The following SORL1 variants were observed in gnomAD, a reference collection of about 807,000 sequenced individuals.
The protein encoded by SORL1 is sortilin related receptor 1, also known as sortilin-related receptor.
In SORL1, 127 loss-of-function variants were observed where a neutral mutation model predicts 273.7. That is an observed-to-expected ratio of 0.46 (90% CI 0.40 to 0.54). The LOEUF (loss-of-function observed/expected upper bound fraction) is 0.54, where lower values mean the gene tolerates loss of function less well. Ranked by LOEUF, SORL1 falls within the 20% of genes least tolerant of loss-of-function variation. The pLI is 0.00. For missense variants in SORL1, 2,494 were observed against 2,846.1 expected, an observed-to-expected ratio of 0.88 and a Z score of 2.81; for synonymous variants, 1,031 against 1,067.4, an observed-to-expected ratio of 0.97 and a Z score of 0.66.
chr11:121,587,406 T>C (rs1863131845), intron 27 of SORL1, among the ~76,000 whole-genome samples: 1 of 152,240 alleles, frequency 6.6e-6, no homozygotes, highest in African/African-American at 2.4e-5. Flanking sequence ...AAGGTCTTGC[T>C]GTGTCCTCAC....
chr11:121,619,713 A>G lies in SORL1; in HGVS notation c.5725-40A>G, dbSNP rs551397922. ...ACTTTAATAAAGATTGCATAAGGCC[A>G]TGATGTATTTTTTTTCCTACGTGTG... On this transcript the variant is annotated intron_variant, in intron 42 of 47. Coordinates refer to ENST00000260197, the MANE Select transcript of SORL1 (RefSeq NM_003105.6). 5.3e-6 allele frequency: 8 copies of G among 1,516,336 alleles called. No individual in the cohort carries two copies. The South Asian group carries it at 5.8e-5, about 11-fold the overall frequency. 93.9% of individuals were successfully genotyped at this position (1,516,336 alleles called of 1,614,324 possible).
chr11:121,531,684 G>A (rs954593630), intron 11 of SORL1, among the ~76,000 whole-genome samples: 1 of 152,222 alleles, frequency 6.6e-6, no homozygotes, highest in African/African-American at 2.4e-5. Context: ...AGTATGCTAA[G>A]CCTTTGTTAC....
Position 121,531,668 on chromosome 11 carries a change from C to T in SORL1, c.1597-796C>T, listed in dbSNP as rs553303973. Among the ~76,000 whole-genome samples, 17 of 152,326 alleles carry T rather than the reference C, an allele frequency of 1.1e-4. No homozygotes were observed. The East Asian group carries it at 3.1e-3, about 28-fold the overall frequency. The stretch of plus-strand genomic sequence containing the variant: ...TTTCTGTAGGTGGTAGTTTAACTCT[C>T]AGTTCAGTATGCTAAGCCTTTGTTA... On this transcript the variant is annotated intron_variant, in intron 11 of 47. Coordinates refer to ENST00000260197, the MANE Select transcript of SORL1 (RefSeq NM_003105.6).
At chr11:121,592,075 C>T (rs1002612220) in intron 31 of SORL1, among the ~76,000 whole-genome samples, 5 of 152,176 alleles carry the variant, frequency 3.3e-5, no homozygotes, top group Non-Finnish European at 7.4e-5. Flanking sequence ...TTCCTCCTTG[C>T]CTCCCTGGAT....
intron 28 of SORL1, among the ~76,000 whole-genome samples, chr11:121,588,678 C>T (rs939898240): frequency 2.0e-5 from 3 of 152,158 alleles, no homozygotes; most frequent in Non-Finnish European, 4.4e-5. Context: ...CCTGGGACTG[C>T]TGTAGCAGAG....
At chr11:121,482,217 G>A (rs188862451) in intron 3 of SORL1, among the ~76,000 whole-genome samples, 31 of 152,138 alleles carry the variant, frequency 2.0e-4, no homozygotes, top group Non-Finnish European at 3.2e-4. Context: ...AGCAGGGGCC[G>A]TGGTGTTTGG....
intron 31 of SORL1, among the ~76,000 whole-genome samples, chr11:121,594,733 C>T (rs1162110771): frequency 6.6e-6 from 1 of 152,126 alleles, no homozygotes; most frequent in Non-Finnish European, 1.5e-5. Context: ...CATGTCAAAG[C>T]CTTTTCTCAG....
intron 18 of SORL1, 159 bp from the exon 19 acceptor site, chr11:121,557,155 C>G: frequency 1.5e-6 from 1 of 654,060 alleles, no homozygotes; most frequent in South Asian, 1.7e-5. Flanking sequence ...CGCATTGTGA[C>G]TAGAAGTTGG....
intron 24 of SORL1, chr11:121,576,707 GC>G: frequency 1.3e-5 from 19 of 1,417,836 alleles, no homozygotes; most frequent in Non-Finnish European, 1.7e-5. Flanking sequence ...TTCTTACCAG[GC>G]CCCCACCCTT....
intron 27 of SORL1, among the ~76,000 whole-genome samples, chr11:121,586,542 G>A (rs1047937028): frequency 6.6e-6 from 1 of 152,260 alleles, no homozygotes; most frequent in East Asian, 1.9e-4. Flanking sequence ...AGAAAGCAGG[G>A]TTGGGGGCGA....
intron 6 of SORL1, among the ~76,000 whole-genome samples, chr11:121,506,974 G>A (rs777828776): frequency 6.6e-6 from 1 of 151,950 alleles, no homozygotes; most frequent in Non-Finnish European, 1.5e-5. Flanking sequence ...TTTCCCAGGT[G>A]TTTTCTTAAT....
intron 3 of SORL1, among the ~76,000 whole-genome samples, chr11:121,487,804 A>G (rs369343299): frequency 1.3e-5 from 2 of 152,188 alleles, no homozygotes; most frequent in African/African-American, 4.8e-5. Context: ...ATCCCGGTCC[A>G]TCTCCAGGCC....
At chr11:121,573,753 T>C (rs1379085707) in intron 23 of SORL1, among the ~76,000 whole-genome samples, 1 of 152,220 alleles carries the variant, frequency 6.6e-6, no homozygotes, top group Non-Finnish European at 1.5e-5. Context: ...AGCCACGATT[T>C]GGTACCCAGT....
rs1236680712 is a variant in SORL1 at position 121,611,106 on chromosome 11, G to A, written c.5270G>A (p.Ser1757Asn). The A allele has an allele frequency of 6.2e-7, 1 of 1,613,558 alleles. No individual in the cohort carries two copies. Among genetic ancestry groups the A allele is most frequent in the Non-Finnish European group, 8.5e-7 (1 of 1,179,610 alleles). ...CCACCACCAGATATCCACATTGACA[G>A]CTATGGTGAAAATTATCTAAGCTTC... ...VIPPPDIHIDSYGENYLSFTL... is the reference protein window; with the variant it reads ...VIPPPDIHIDNYGENYLSFTL... The change falls in exon 39 of 48, where the codon AGC becomes AAC. Residue 1757 changes from serine (S) to asparagine (N), a missense_variant. Around this residue, in one of 3 missense-constraint regions of SORL1, gnomAD observed 1,609 missense variants for 1,816.4 expected, o/e 0.89. Coordinates refer to ENST00000260197, the MANE Select transcript of SORL1 (RefSeq NM_003105.6).
At chr11:121,615,347 CTCTGTACTTGGCTTATGCCCTT>C (rs1863625529) in intron 41 of SORL1, among the ~76,000 whole-genome samples, 1 of 152,090 alleles carries the variant, frequency 6.6e-6, no homozygotes, top group South Asian at 2.1e-4. Context: ...CCCCTCTTGC[CTCTGTACTTGGCTTATGCCCTT>C]TCTCCTCCTT....
chr11:121,531,906 C>T (rs1591314419), intron 11 of SORL1, among the ~76,000 whole-genome samples: 1 of 152,224 alleles, frequency 6.6e-6, no homozygotes, highest in African/African-American at 2.4e-5. Flanking sequence ...GACTGAGGTG[C>T]ACCCCATGAC....
chr11:121,549,850 A>G, intron 14 of SORL1, 110 bp from the exon 15 acceptor site: 5 of 864,074 alleles, frequency 5.8e-6, no homozygotes, highest in Non-Finnish European at 8.7e-6. Context: ...GACATGTTAA[A>G]TAACTTATAA....
intron 24 of SORL1, among the ~76,000 whole-genome samples, chr11:121,575,493 C>T (rs911554402): frequency 6.6e-6 from 1 of 152,242 alleles, no homozygotes; most frequent in African/African-American, 2.4e-5. Context: ...GCTGTGCTTA[C>T]GCACATGGAC....
intron 14 of SORL1, among the ~76,000 whole-genome samples, chr11:121,548,553 T>G (rs1308437935): frequency 6.6e-6 from 1 of 152,124 alleles, no homozygotes; most frequent in Admixed American, 6.6e-5. Context: ...TAATGAATAT[T>G]TGGAGTTTTT....
Sources: allele counts gnomAD v4.1 joint callset (sites outside exome capture counted in the v4.1 genomes callset), GRCh38; gene constraint gnomAD v4.1.1; regional missense constraint gnomAD v4.1.1; transcripts MANE v1.5; gene names NCBI Gene and HGNC (gene_info 2026-07-23, HGNC 2026-07-21).